CSMD1: variants seen among roughly 807,000 people sequenced by gnomAD.
CSMD1 encodes CUB and sushi domain-containing protein 1.
Under a neutral mutation model 417.5 loss-of-function variants are expected in CSMD1, and 213 were observed. The ratio of observed to expected loss-of-function variants is 0.51; its 90% confidence interval spans 0.46 to 0.57. The LOEUF (loss-of-function observed/expected upper bound fraction) is 0.57, where lower values mean the gene tolerates loss of function less well. Among genes scored for constraint, CSMD1 ranks in the 20% least tolerant of loss-of-function variants. The pLI, the probability that CSMD1 is intolerant of heterozygous loss-of-function variation, is 0.00. For synonymous variants in CSMD1, 2,862 were observed against 1,736.8 expected (o/e 1.65, Z -16.11); for missense variants, 6,923 against 4,529.7 (o/e 1.53, Z -15.17).
At chr8:4,065,843 AACAC>A (rs1352819997) in intron 3 of CSMD1, among the ~76,000 whole-genome samples, 1 of 152,212 alleles carries the variant, frequency 6.6e-6, no homozygotes, top group African/African-American at 2.4e-5. Context: ...TATATTTTAA[AACAC>A]ACACACCCAA....
At chr8:3,721,076 G>C (rs1394667542) in intron 6 of CSMD1, among the ~76,000 whole-genome samples, 1 of 152,062 alleles carries the variant, frequency 6.6e-6, no homozygotes, top group African/African-American at 2.4e-5. Context: ...GCCCGCCTCG[G>C]CCTCCCAAAG....
chr8:4,785,904 G>A (rs777554663), intron 1 of CSMD1, among the ~76,000 whole-genome samples: 5 of 152,124 alleles, frequency 3.3e-5, no homozygotes, highest in Admixed American at 6.5e-5. Flanking sequence ...AACAGTGACA[G>A]CACCAAAGAC....
At chr8:3,265,165 C>T (rs1467908289) in intron 26 of CSMD1, among the ~76,000 whole-genome samples, 1 of 152,132 alleles carries the variant, frequency 6.6e-6, no homozygotes, top group Non-Finnish European at 1.5e-5. Flanking sequence ...GGAATTTACA[C>T]TCTCACTAGA....
chr8:3,084,121 A>G (rs544215761), intron 49 of CSMD1, among the ~76,000 whole-genome samples: 8 of 152,282 alleles, frequency 5.3e-5, no homozygotes, highest in African/African-American at 1.9e-4. Context: ...ACAACACACC[A>G]TATGCAATTT....
chr8:4,419,440 C>T (rs1246577062), intron 3 of CSMD1, among the ~76,000 whole-genome samples: 2 of 152,176 alleles, frequency 1.3e-5, no homozygotes, highest in Admixed American at 1.3e-4. Context: ...GGTATCTAGG[C>T]ACAAAATCTG....
intron 5 of CSMD1, among the ~76,000 whole-genome samples, chr8:3,781,669 T>TA (rs1799191647): frequency 6.6e-6 from 1 of 152,164 alleles, no homozygotes; most frequent in African/African-American, 2.4e-5. Context: ...GGCAGGTGCC[T>TA]AGGTTTCCAT....
Position 4,891,249 on chromosome 8 carries a change from T to C in CSMD1, c.85+103083A>G, listed in dbSNP as rs555842520. The stretch of plus-strand genomic sequence containing the variant: ...GTAAAATTCTATGTGCAAATAATTG[T>C]ACCTATCTCTACATCCTTAGGTAAA... On this transcript the variant is annotated intron_variant, in intron 1 of 69. Transcript: ENST00000635120. Among the ~76,000 whole-genome samples the C allele has an allele frequency of 1.1e-3, 170 of 152,274 alleles. 1 individual carries two copies. The highest frequency in any genetic ancestry group is 2.0e-3 in the Non-Finnish European group (139 of 68,030).
chr8:4,624,363 C>G (rs926116043), intron 2 of CSMD1, among the ~76,000 whole-genome samples: 1 of 152,056 alleles, frequency 6.6e-6, no homozygotes. Flanking sequence ...AGAAAGTAAC[C>G]GAAATCTAGA....
intron 3 of CSMD1, among the ~76,000 whole-genome samples, chr8:4,405,890 T>A (rs1294720874): frequency 6.6e-6 from 1 of 152,158 alleles, no homozygotes; most frequent in Non-Finnish European, 1.5e-5. Flanking sequence ...TTATTTTTGG[T>A]CAATCCTAAT....
rs897338411 is a variant in CSMD1 at position 3,518,238 on chromosome 8, C to T, written c.1345-24512G>A. 3.3e-5 allele frequency among the ~76,000 whole-genome samples: 5 copies of T among 152,124 alleles called. No homozygotes were observed. The East Asian group carries it at 5.8e-4, about 18-fold the overall frequency. On this transcript the variant is annotated intron_variant, in intron 10 of 69. Transcript: ENST00000635120. ...TTAATCTTTTTGTAGTTTTAATTTTCCTTCATAAATATGTTTCTTCAAATA... is the reference window on the plus strand; with the variant it reads ...TTAATCTTTTTGTAGTTTTAATTTTTCTTCATAAATATGTTTCTTCAAATA...
At chr8:3,459,342 C>T (rs1239556572) in intron 12 of CSMD1, among the ~76,000 whole-genome samples, 1 of 152,150 alleles carries the variant, frequency 6.6e-6, no homozygotes, top group African/African-American at 2.4e-5. Context: ...ACAGGGTACA[C>T]AACACAGCGG....
chr8:4,151,677 GA>G (rs1287511970), intron 3 of CSMD1, among the ~76,000 whole-genome samples: 3 of 152,084 alleles, frequency 2.0e-5, no homozygotes, highest in African/African-American at 7.2e-5. Flanking sequence ...CATTATAGGT[GA>G]AAAAAATCCA....
chr8:4,665,411 C>G (rs1804857876), intron 1 of CSMD1, among the ~76,000 whole-genome samples: 1 of 152,172 alleles, frequency 6.6e-6, no homozygotes, highest in African/African-American at 2.4e-5. Context: ...AGTTATGTCA[C>G]ACATAACCAT....
intron 10 of CSMD1, among the ~76,000 whole-genome samples, chr8:3,542,268 G>A (rs1798472044): frequency 6.6e-6 from 1 of 152,060 alleles, no homozygotes; most frequent in Admixed American, 6.5e-5. Context: ...ACTCTTTTAT[G>A]TCATCTGAAG....
At chr8:4,285,831 C>G (rs547709520) in intron 3 of CSMD1, among the ~76,000 whole-genome samples, 1 of 152,168 alleles carries the variant, frequency 6.6e-6, no homozygotes, top group South Asian at 2.1e-4. Context: ...ATCATGTGTC[C>G]TTGGCTATTT....
intron 3 of CSMD1, among the ~76,000 whole-genome samples, chr8:4,231,888 G>A (rs950536034): frequency 6.6e-6 from 1 of 152,046 alleles, no homozygotes; most frequent in African/African-American, 2.4e-5. Context: ...CCTAATACTT[G>A]TGTTTTACTA....
chr8:4,898,245 C>T (rs995362993), intron 1 of CSMD1, among the ~76,000 whole-genome samples: 1 of 152,080 alleles, frequency 6.6e-6, no homozygotes, highest in Non-Finnish European at 1.5e-5. Flanking sequence ...CATCGGGGTG[C>T]TTAGATGACT....
chr8:3,938,067 G>C (rs372796280), intron 5 of CSMD1, among the ~76,000 whole-genome samples: 1 of 151,966 alleles, frequency 6.6e-6, no homozygotes, highest in African/African-American at 2.4e-5. Context: ...CAATATTCTG[G>C]GGATTACACA....
intron 3 of CSMD1, among the ~76,000 whole-genome samples, chr8:4,135,300 G>A (rs1178892097): frequency 2.1e-5 from 3 of 141,272 alleles, no homozygotes; most frequent in Admixed American, 7.8e-5. Flanking sequence ...GAAGACAGAA[G>A]AAAGGAAGAA....
Sources: allele counts gnomAD v4.1 joint callset (sites outside exome capture counted in the v4.1 genomes callset), GRCh38; gene constraint gnomAD v4.1.1; transcripts MANE v1.5; gene names NCBI Gene and HGNC (gene_info 2026-07-23, HGNC 2026-07-21).